The following RLN2 variants were observed in gnomAD, a reference collection of about 807,000 sequenced individuals.
The protein encoded by RLN2 is relaxin 2, also known as prorelaxin H2.
In RLN2, 10 loss-of-function variants were observed where a neutral mutation model predicts 7.3. The observed-to-expected ratio is 1.36, with a 90% CI of 0.84 to 2.31. The LOEUF is 2.31. Among genes scored for constraint, RLN2 ranks in the 30% most tolerant of loss-of-function variants. RLN2 has a pLI of 0.00. For synonymous variants in RLN2, 103 were observed against 82.3 expected, an observed-to-expected ratio of 1.25 and a Z score of -1.36; for missense variants, 298 against 217.6, an observed-to-expected ratio of 1.37 and a Z score of -2.32.
the RLN2 span, among the ~76,000 whole-genome samples, chr9:5,332,883 C>G: frequency 2.0e-5 from 3 of 151,888 alleles, no homozygotes; most frequent in African/African-American, 4.8e-5. Flanking sequence ...TCCCAAAGTA[C>G]TGGGATTTCA....
At chr9:5,331,222 G>A in the RLN2 span, among the ~76,000 whole-genome samples, 1 of 152,008 alleles carries the variant, frequency 6.6e-6, no homozygotes, top group East Asian at 1.9e-4. Flanking sequence ...AACAGAAAAA[G>A]AGGGAATCCT....
Position 5,300,924 on chromosome 9 carries a change from T to C in RLN2, c.212-480A>G, listed in dbSNP as rs1563733573. On this transcript the variant is annotated intron_variant, in intron 1 of 1. Coordinates refer to ENST00000381627, the MANE Select transcript of RLN2 (RefSeq NM_134441.3). ...TATTGAATATTTCATGGTGGGAAGT[T>C]ACTCCTGGAGGATAAAGTTAAAGAG... Among the ~76,000 whole-genome samples, 4 of 152,244 alleles carry C rather than the reference T, an allele frequency of 2.6e-5. No homozygotes were observed. The South Asian group carries it at 8.3e-4, about 31-fold the overall frequency.
At chr9:5,330,556 T>C in the RLN2 span, among the ~76,000 whole-genome samples, 17 of 143,388 alleles carry the variant, frequency 1.2e-4, no homozygotes, top group Non-Finnish European at 2.5e-4. Context: ...GAGAACGGCA[T>C]GAACTGGGGA....
chr9:5,337,128 A>T, the RLN2 span, among the ~76,000 whole-genome samples: 1 of 152,024 alleles, frequency 6.6e-6, no homozygotes, highest in Non-Finnish European at 1.5e-5. Context: ...AGGTTTTGGC[A>T]TTTTCCCTCA....
chr9:5,335,809 AC>A, the RLN2 span, among the ~76,000 whole-genome samples: 1 of 151,966 alleles, frequency 6.6e-6, no homozygotes, highest in Admixed American at 6.6e-5. Context: ...GCTCTGCTTT[AC>A]CCCATTGGTC....
chr9:5,331,286 A>G, the RLN2 span, among the ~76,000 whole-genome samples: 2 of 152,020 alleles, frequency 1.3e-5, no homozygotes, highest in African/African-American at 4.8e-5. Context: ...TAGAGACACA[A>G]TAAAAAAAGA....
At chr9:5,313,219 TATTA>T in the RLN2 span, among the ~76,000 whole-genome samples, 3 of 152,198 alleles carry the variant, frequency 2.0e-5, no homozygotes, top group African/African-American at 7.2e-5. Context: ...TCTTCTGATC[TATTA>T]ATATTTGTGT....
the RLN2 span, among the ~76,000 whole-genome samples, chr9:5,334,586 T>C: frequency 3.9e-5 from 6 of 152,046 alleles, no homozygotes; most frequent in African/African-American, 1.4e-4. Context: ...TAATATATGA[T>C]ATGGATGTTT....
the RLN2 span, among the ~76,000 whole-genome samples, chr9:5,320,915 T>C: frequency 6.6e-6 from 1 of 152,020 alleles, no homozygotes; most frequent in South Asian, 2.1e-4. Context: ...TATGGATAAA[T>C]CTACAACTGC....
upstream of RLN2, among the ~76,000 whole-genome samples, chr9:5,309,341 C>T (rs1816306862): frequency 6.6e-6 from 1 of 151,986 alleles, no homozygotes. Context: ...TTTTGTAACC[C>T]CTTCAGCTAT....
At chr9:5,334,598 T>C in the RLN2 span, among the ~76,000 whole-genome samples, 3 of 152,052 alleles carry the variant, frequency 2.0e-5, no homozygotes, top group African/African-American at 7.2e-5. Context: ...TGGATGTTTG[T>C]TCTCTCCTCC....
chr9:5,318,406 A>G, the RLN2 span, among the ~76,000 whole-genome samples: 1 of 151,864 alleles, frequency 6.6e-6, no homozygotes, highest in Admixed American at 6.6e-5. Flanking sequence ...GTTTTTTTCT[A>G]TGGTTACTGT....
the RLN2 span, among the ~76,000 whole-genome samples, chr9:5,328,531 C>T: frequency 2.0e-5 from 3 of 151,894 alleles, no homozygotes; most frequent in Non-Finnish European, 2.9e-5. Flanking sequence ...GCAAGGCAGG[C>T]CAACATTCAA....
chr9:5,330,473 C>G, the RLN2 span, among the ~76,000 whole-genome samples: 8 of 151,344 alleles, frequency 5.3e-5, 1 homozygote, highest in African/African-American at 1.9e-4. Context: ...CCCATCTCTA[C>G]TAAAAATACA....
the RLN2 span, among the ~76,000 whole-genome samples, chr9:5,333,025 G>A: frequency 6.6e-6 from 1 of 151,988 alleles, no homozygotes; most frequent in Admixed American, 6.6e-5. Flanking sequence ...CAAGATCACA[G>A]TATTAACCAG....
chr9:5,319,814 A>T, the RLN2 span, among the ~76,000 whole-genome samples: 1 of 152,054 alleles, frequency 6.6e-6, no homozygotes, highest in Non-Finnish European at 1.5e-5. Flanking sequence ...AGCAGGACTC[A>T]TTAAGAAATA....
At chr9:5,327,383 T>A in the RLN2 span, among the ~76,000 whole-genome samples, 1 of 151,918 alleles carries the variant, frequency 6.6e-6, no homozygotes, top group Non-Finnish European at 1.5e-5. Context: ...GCTCACAGTG[T>A]AAACAAAGAG....
chr9:5,320,065 A>C, the RLN2 span, among the ~76,000 whole-genome samples: 1 of 151,014 alleles, frequency 6.6e-6, no homozygotes, highest in African/African-American at 2.4e-5. Context: ...GGTTCACTGC[A>C]ACCTCTGCCT....
chr9:5,335,304 C>G, the RLN2 span: 1 of 1,603,762 alleles, frequency 6.2e-7, no homozygotes, highest in South Asian at 1.1e-5. Context: ...CAACATTTCT[C>G]AAACAGTGCC....
Sources: allele counts gnomAD v4.1 joint callset (sites outside exome capture counted in the v4.1 genomes callset), GRCh38; gene constraint gnomAD v4.1.1; transcripts MANE v1.5; gene names NCBI Gene and HGNC (gene_info 2026-07-23, HGNC 2026-07-21).